NSG1: variants seen among roughly 807,000 people sequenced by gnomAD.
NSG1 encodes neuronal vesicle trafficking-associated protein 1.
A neutral mutation model predicts 19.3 loss-of-function variants in NSG1; 9 were observed. That is an observed-to-expected ratio of 0.47 (90% confidence interval 0.28 to 0.81). The LOEUF (loss-of-function observed/expected upper bound fraction) is 0.81. Ranked by LOEUF, NSG1 falls within the 40% of genes least tolerant of loss-of-function variation. The pLI is 0.11. For synonymous variants in NSG1, 104 were observed against 107.0 expected (o/e 0.97, Z 0.17); for missense variants, 236 against 242.4 (o/e 0.97, Z 0.18).
rs767334264 is a variant in NSG1 at position 4,417,239 on chromosome 4, C to T, written c.362C>T (p.Thr121Ile). 12 of 1,613,768 alleles carry T rather than the reference C, an allele frequency of 7.4e-6. No individual in the cohort carries two copies. In the Admixed American group the frequency reaches 8.3e-5, roughly 11 times the overall value. The change falls in exon 5 of 5, where the codon ACC becomes ATC. Residue 121 changes from threonine (T) to isoleucine (I), a missense_variant. Transcript: ENST00000621129. ...CAGTGGCCTCTTGTCTTTCAGAACA[C>T]CCAGTGCATCCCAGAAGGCTTGGAG... ...ACPDGFVLKN[T>I]QCIPEGLESY...
rs925359757 is a variant in NSG1 at position 4,417,541 on chromosome 4, C to T, written c.*106C>T. 2.0e-5 allele frequency: 23 copies of T among 1,127,170 alleles called. No homozygotes were observed. Among genetic ancestry groups the T allele is most frequent in the South Asian group, 4.4e-5 (3 of 67,776 alleles). The allele number at this position is 1,127,170 out of a possible 1,614,324, so 69.8% of individuals were successfully genotyped here. A position where few individuals can be genotyped will look rare whatever the true frequency, so the allele number is the denominator to read the frequency against. ...TGATACTTTAGAGGTTACTCATTTA[C>T]GGTGCAATTGCTTCTGTTTGCTAAT... On this transcript the variant is annotated 3_prime_UTR_variant, in exon 5 of 5. Coordinates refer to ENST00000621129, the MANE Select transcript of NSG1 (RefSeq NM_014392.5).
chr4:4,417,491 G>C lies in NSG1; in HGVS notation c.*56G>C. ...CTTGCAAATAACAAAGGGACTTTGA[G>C]GGACATTTCATTAAATATAATTACT... is the stretch of plus-strand genomic sequence containing the variant. On this transcript the variant is annotated 3_prime_UTR_variant, in exon 5 of 5. Coordinates refer to ENST00000621129, the MANE Select transcript of NSG1 (RefSeq NM_014392.5). 1 of 1,496,292 alleles carries C rather than the reference G, an allele frequency of 6.7e-7. No homozygotes were observed. 92.7% of individuals were successfully genotyped at this position (1,496,292 alleles called of 1,614,324 possible).
intron 3 of NSG1, among the ~76,000 whole-genome samples, chr4:4,407,639 C>G (rs1238657044): frequency 2.6e-5 from 4 of 152,082 alleles, no homozygotes; most frequent in Non-Finnish European, 4.4e-5. Context: ...GATGCAGGCT[C>G]GGGGACAATT....
intron 3 of NSG1, among the ~76,000 whole-genome samples, chr4:4,399,666 T>G (rs1404679688): frequency 1.3e-5 from 2 of 152,236 alleles, no homozygotes; most frequent in African/African-American, 4.8e-5. Context: ...TTGCTTGTAT[T>G]TTTGGTGTCA....
intron 3 of NSG1, among the ~76,000 whole-genome samples, chr4:4,401,591 G>A (rs563437569): frequency 6.6e-6 from 1 of 152,274 alleles, no homozygotes; most frequent in Non-Finnish European, 1.5e-5. Context: ...TATCGGGGCT[G>A]GCTCTTTAGC....
chr4:4,393,139 A>G (rs1327572649), intron 3 of NSG1, among the ~76,000 whole-genome samples: 1 of 152,122 alleles, frequency 6.6e-6, no homozygotes, highest in Non-Finnish European at 1.5e-5. Flanking sequence ...TGATGGCTAA[A>G]TGCTGTGTGA....
At chr4:4,395,178 G>A (rs981422210) in intron 3 of NSG1, among the ~76,000 whole-genome samples, 1 of 152,344 alleles carries the variant, frequency 6.6e-6, no homozygotes, top group East Asian at 1.9e-4. Context: ...TTGCTGTGGG[G>A]TGGATGTGAG....
chr4:4,409,699 C>T lies in NSG1; in HGVS notation c.357+16C>T. Reference sequence around the variant, plus strand: ...CGTCCTCAAGGTAAAACTCCGTTTTCCCCCAGAGGCCCTGGGACGCCTTTG... The same window carrying T: ...CGTCCTCAAGGTAAAACTCCGTTTTTCCCCAGAGGCCCTGGGACGCCTTTG... On this transcript the variant is annotated intron_variant, in intron 4 of 4. Transcript: ENST00000621129. 1.3e-6 allele frequency: 2 copies of T among 1,591,816 alleles called. No homozygotes were observed. Among genetic ancestry groups the T allele is most frequent in the Non-Finnish European group, 1.7e-6 (2 of 1,159,652 alleles).
chr4:4,400,346 C>T lies in NSG1; in HGVS notation c.246+8755C>T, dbSNP rs114379472. On this transcript the variant is annotated intron_variant, in intron 3 of 4. Transcript: ENST00000621129. ...ATCTCGTCTTATGCTAATACCACTC[C>T]GTTTTGATTATCGTAGCTTTGTAGT... Among the ~76,000 whole-genome samples the T allele has an allele frequency of 2.9e-3, 436 of 152,236 alleles. 2 individuals are homozygous for T. The highest frequency in any genetic ancestry group is 0.01 in the African/African-American group (420 of 41,554).
At chr4:4,402,518 GCT>G (rs1214733898) in intron 3 of NSG1, among the ~76,000 whole-genome samples, 3 of 151,460 alleles carry the variant, frequency 2.0e-5, no homozygotes, top group African/African-American at 4.8e-5. Flanking sequence ...CTCCCAAGTA[GCT>G]GGGACTACAG....
chr4:4,412,938 CAG>C lies in NSG1; in HGVS notation c.357+3260_357+3261del, dbSNP rs564979763. 1.4e-3 allele frequency among the ~76,000 whole-genome samples: 206 copies of C among 152,308 alleles called. 1 individual carries two copies. The highest frequency in any genetic ancestry group is 4.8e-3 in the African/African-American group (198 of 41,562). On this transcript the variant is annotated intron_variant, in intron 4 of 4. Coordinates refer to ENST00000621129, the MANE Select transcript of NSG1 (RefSeq NM_014392.5). ...TTTGTTTTTTGCTGATATGAGGACG[CAG>C]AGAGTCCTTACGCGATTAGCAGGAA...
chr4:4,409,754 G>C, intron 4 of NSG1, 71 bp downstream of exon 4: 1 of 1,237,404 alleles, frequency 8.1e-7, no homozygotes, highest in Non-Finnish European at 1.2e-6. Context: ...TGAACTCAAG[G>C]CTGCTCCTGC....
chr4:4,389,236 G>GGA (rs1722880937), intron 2 of NSG1, among the ~76,000 whole-genome samples: 1 of 152,264 alleles, frequency 6.6e-6, no homozygotes, highest in Non-Finnish European at 1.5e-5. Context: ...TATACAGGGA[G>GGA]GAGGGTTTCA....
At chr4:4,415,329 T>G in intron 4 of NSG1, among the ~76,000 whole-genome samples, 1 of 152,062 alleles carries the variant, frequency 6.6e-6, no homozygotes, top group East Asian at 1.9e-4. Context: ...ACTTCACAGG[T>G]GAGGGAATGA....
At chr4:4,387,564 GTC>G in intron 1 of NSG1, 38 bp from the exon 2 acceptor site, 7 of 1,279,398 alleles carry the variant, frequency 5.5e-6, no homozygotes, top group Non-Finnish European at 6.5e-6. Context: ...CCCGCCCCGG[GTC>G]TTGCTTGTGG....
intron 2 of NSG1, among the ~76,000 whole-genome samples, chr4:4,390,139 T>G (rs749385847): frequency 6.6e-6 from 1 of 152,210 alleles, no homozygotes; most frequent in African/African-American, 2.4e-5. Flanking sequence ...TAGGCCTGCG[T>G]GCTCAAGGTC....
At chr4:4,415,760 ACT>A in intron 4 of NSG1, 1 of 257,800 alleles carries the variant, frequency 3.9e-6, no homozygotes, top group Non-Finnish European at 7.5e-6. Flanking sequence ...GTCTTGCAGG[ACT>A]CTGCTGGGTG....
intron 4 of NSG1, among the ~76,000 whole-genome samples, 170 bp from the exon 5 acceptor site, chr4:4,417,065 C>T (rs1724585548): frequency 6.6e-6 from 1 of 152,168 alleles, no homozygotes. Flanking sequence ...GGCCAGGCTT[C>T]CCCTGTGCTG....
At chr4:4,409,804 C>A (rs1452574333) in intron 4 of NSG1, 121 bp downstream of exon 4, 3 of 761,196 alleles carry the variant, frequency 3.9e-6, no homozygotes, top group Admixed American at 2.1e-5. Context: ...CTTAGAGCAG[C>A]AGGGGGCCAG....
Sources: allele counts gnomAD v4.1 joint callset (sites outside exome capture counted in the v4.1 genomes callset), GRCh38; gene constraint gnomAD v4.1.1; transcripts MANE v1.5; gene names NCBI Gene and HGNC (gene_info 2026-07-23, HGNC 2026-07-21).